Variants in CEACAM5 observed in about 807,000 individuals in gnomAD.
CEACAM5 encodes the protein cell adhesion molecule CEACAM5.
CEACAM5 carries 52 observed loss-of-function variants against 63.0 expected under a neutral mutation model. The observed-to-expected ratio is 0.83, with a 90% CI of 0.66 to 1.04. The LOEUF is 1.04. Among genes scored for constraint, CEACAM5 ranks in the 50% least tolerant of loss-of-function variants. The probability of loss-of-function intolerance (pLI) is 0.00; values close to 1 mark genes in which losing one functional copy is unlikely to be tolerated. For missense variants in CEACAM5, 790 were observed against 864.8 expected, an observed-to-expected ratio of 0.91 and a Z score of 1.08; for synonymous variants, 357 against 351.3, an observed-to-expected ratio of 1.02 and a Z score of -0.18.
intron 1 of CEACAM5, 139 bp downstream of exon 1, chr19:41,708,934 C>A: frequency 3.4e-6 from 2 of 596,702 alleles, no homozygotes; most frequent in South Asian, 2.3e-5. Context: ...AGGAGTCACA[C>A]CAGAAAAATC....
chr19:41,715,169 AT>A lies in CEACAM5; in HGVS notation c.624del (p.Asn208LysfsTer14), dbSNP rs782500077. On this transcript the variant is annotated frameshift_variant, in exon 3 of 10. Coordinates refer to ENST00000221992, the MANE Select transcript of CEACAM5 (RefSeq NM_004363.6). LOFTEE classifies it high-confidence loss of function. The part of the protein sequence containing the change: ...RTLTLFNVTR[N>X]DTASYKCETQ... ...CTCACTCTATTCAATGTCACAAGAA[AT>A]GACACAGCAAGCTACAAATGTGAAA... 27 of 1,614,078 alleles carry A rather than the reference AT, an allele frequency of 1.7e-5. No individual in the cohort carries two copies. The Admixed American group carries it at 3.3e-4, about 20-fold the overall frequency.
intron 9 of CEACAM5, among the ~76,000 whole-genome samples, chr19:41,728,972 A>G (rs1051830272): frequency 6.6e-6 from 1 of 152,274 alleles, no homozygotes; most frequent in South Asian, 2.1e-4. Context: ...TCAAATCATT[A>G]GTGATGTTAA....
Position 41,717,732 on chromosome 19 carries a change from C to G in CEACAM5, c.1236C>G (p.Leu412=), listed in dbSNP as rs1405858394. Residue 412 remains leucine (L), a splice_region_variant and synonymous_variant, in exon 5 of 10, where the codon CTC becomes CTG. Transcript: ENST00000221992. ...DHSDPVILNV[L]YGPDDPTISP... ...GCGACCCAGTCATCCTGAATGTCCT[C>G]TGTGAGTATCTTCTGTTCCTCTGTG... is the stretch of plus-strand genomic sequence containing the variant. The G allele has an allele frequency of 1.8e-5, 29 of 1,613,378 alleles. No individual in the cohort carries two copies. Among genetic ancestry groups the G allele is most frequent in the Non-Finnish European group, 2.4e-5 (28 of 1,179,520 alleles).
At chr19:41,723,992 T>G (rs2072664135) in intron 8 of CEACAM5, among the ~76,000 whole-genome samples, 1 of 151,712 alleles carries the variant, frequency 6.6e-6, no homozygotes, top group South Asian at 2.1e-4. Flanking sequence ...GTCCAGTTTA[T>G]CAATTTTTTT....
intron 9 of CEACAM5, among the ~76,000 whole-genome samples, chr19:41,728,386 T>G (rs1281337542): frequency 6.6e-6 from 1 of 152,180 alleles, no homozygotes; most frequent in Non-Finnish European, 1.5e-5. Flanking sequence ...ATTCGTAATT[T>G]TTAAGCCTCC....
Position 41,720,952 on chromosome 19 carries a change from C to G in CEACAM5, c.1802C>G (p.Pro601Arg), listed in dbSNP as rs556201612. ...CCGGACACCCCCATCATTTCCCCCC[C>G]AGACTCGTCTTACCTTTCGGGAGCG... The part of the protein sequence containing the change: ...YGPDTPIISP[P>R]DSSYLSGANL... The change falls in exon 8 of 10, where the codon CCA (proline) becomes CGA (arginine). Residue 601 changes from proline to arginine, a missense_variant. By Grantham distance (103) the Pro-to-Arg change is moderately radical (BLOSUM62 -2). Transcript: ENST00000221992. The G allele has an allele frequency of 2.5e-6, 4 of 1,614,006 alleles. No homozygotes were observed. The highest frequency in any genetic ancestry group is 2.7e-5 in the African/African-American group (2 of 74,892).
chr19:41,712,497 T>G (rs534438415), intron 2 of CEACAM5, among the ~76,000 whole-genome samples: 27 of 152,240 alleles, frequency 1.8e-4, no homozygotes, highest in Non-Finnish European at 2.9e-4. Flanking sequence ...GCACAGGAAC[T>G]AGGGGCAGGG....
At chr19:41,713,133 C>T (rs191056708) in intron 2 of CEACAM5, among the ~76,000 whole-genome samples, 12 of 152,146 alleles carry the variant, frequency 7.9e-5, no homozygotes, top group East Asian at 3.9e-4. Flanking sequence ...GGTGAAACCC[C>T]GTCTCTACTA....
intron 4 of CEACAM5, among the ~76,000 whole-genome samples, chr19:41,716,956 T>C (rs1437737596): frequency 6.6e-6 from 1 of 152,204 alleles, no homozygotes; most frequent in Non-Finnish European, 1.5e-5. Flanking sequence ...TTGTCACCTC[T>C]AGACATGCTC....
In CEACAM5 at chr19:41,721,059, A is replaced by G. The variant is rs782260134; in HGVS notation, c.1909A>G (p.Thr637Ala). The G allele has an allele frequency of 3.2e-5, 51 of 1,614,014 alleles. No individual in the cohort carries two copies. The highest frequency in any genetic ancestry group is 4.1e-5 in the Non-Finnish European group (48 of 1,180,036). ...WRINGIPQQH[T>A]QVLFIAKITP... Reference sequence around the variant, plus strand: ...TATCAATGGGATACCGCAGCAACACACACAAGTTCTCTTTATCGCCAAAAT... The same window carrying G: ...TATCAATGGGATACCGCAGCAACACGCACAAGTTCTCTTTATCGCCAAAAT... The change falls in exon 8 of 10, where the codon ACA becomes GCA. Residue 637 changes from threonine (T) to alanine (A), a missense_variant. Thr to Ala is a moderately conservative substitution (Grantham distance 58). Coordinates refer to ENST00000221992, the MANE Select transcript of CEACAM5 (RefSeq NM_004363.6).
At chr19:41,718,000 A>G (rs2072555101) in intron 5 of CEACAM5, 128 bp from the exon 6 acceptor site, 1 of 1,147,450 alleles carries the variant, frequency 8.7e-7, no homozygotes, top group Non-Finnish European at 1.3e-6. Context: ...AATTGGATAC[A>G]GTAGGGGTTT....
chr19:41,709,442 T>A (rs2072396001), intron 1 of CEACAM5, among the ~76,000 whole-genome samples: 1 of 151,872 alleles, frequency 6.6e-6, no homozygotes, highest in East Asian at 1.9e-4. Context: ...GAGGGAGCCG[T>A]GAAGACCCCT....
chr19:41,728,883 A>G (rs782210131), intron 9 of CEACAM5, among the ~76,000 whole-genome samples: 6 of 152,130 alleles, frequency 3.9e-5, no homozygotes, highest in Non-Finnish European at 7.3e-5. Context: ...CCACCAGGAA[A>G]TTAGGAATCT....
At chr19:41,725,703 T>C (rs1197147132) in intron 8 of CEACAM5, among the ~76,000 whole-genome samples, 1 of 152,210 alleles carries the variant, frequency 6.6e-6, no homozygotes, top group Non-Finnish European at 1.5e-5. Context: ...ATTTGAATCT[T>C]CTCTCTTTTT....
chr19:41,728,735 C>T (rs1052614122), intron 9 of CEACAM5, among the ~76,000 whole-genome samples: 7 of 145,028 alleles, frequency 4.8e-5, no homozygotes, highest in African/African-American at 1.8e-4. Context: ...TGCAGTGAGC[C>T]GAGATCGTGC....
At chr19:41,722,863 A>G (rs2072643869) in intron 8 of CEACAM5, among the ~76,000 whole-genome samples, 1 of 152,116 alleles carries the variant, frequency 6.6e-6, no homozygotes, top group Admixed American at 6.5e-5. Flanking sequence ...CCAGAAATGG[A>G]ATTGGTAGAT....
chr19:41,724,717 T>C (rs1269173779), intron 8 of CEACAM5, among the ~76,000 whole-genome samples: 1 of 152,250 alleles, frequency 6.6e-6, no homozygotes, highest in Admixed American at 6.5e-5. Context: ...TATTTTATAC[T>C]ATTTTATGTT....
At chr19:41,715,598 C>T in intron 3 of CEACAM5, 52 bp from the exon 4 acceptor site, 2 of 1,606,550 alleles carry the variant, frequency 1.2e-6, no homozygotes, top group Non-Finnish European at 8.5e-7. Flanking sequence ...AGACCAGGAA[C>T]TTCCACTTCC....
chr19:41,722,544 A>G, intron 8 of CEACAM5, among the ~76,000 whole-genome samples: 1 of 152,148 alleles, frequency 6.6e-6, no homozygotes, highest in East Asian at 1.9e-4. Context: ...TTCTGTCTCT[A>G]GGTAATCAAC....
Sources: allele counts gnomAD v4.1 joint callset (sites outside exome capture counted in the v4.1 genomes callset), GRCh38; gene constraint gnomAD v4.1.1; transcripts MANE v1.5; gene names NCBI Gene and HGNC (gene_info 2026-07-23, HGNC 2026-07-21).